Variants in OR52K1 observed in about 807,000 individuals in gnomAD.
OR52K1 encodes the protein olfactory receptor 52K1.
OR52K1 carries 10 observed loss-of-function variants against 8.7 expected under a neutral mutation model. The observed-to-expected ratio is 1.15, with a 90% CI of 0.71 to 1.95. OR52K1 has a LOEUF of 1.95. Ranked by LOEUF, OR52K1 falls within the 30% of genes most tolerant of loss-of-function variation. The pLI, the probability that OR52K1 is intolerant of heterozygous loss-of-function variation, is 0.00. For missense variants in OR52K1, 431 were observed against 397.2 expected (o/e 1.08, Z -0.72); for synonymous variants, 203 against 148.5 (o/e 1.37, Z -2.67).
chr11:4,488,768 C>T lies in OR52K1; in HGVS notation c.-133C>T, dbSNP rs1453863476. The T allele has an allele frequency of 1.5e-6, 1 of 667,410 alleles. No homozygotes were observed. Among genetic ancestry groups the T allele is most frequent in the East Asian group, 2.6e-5 (1 of 38,780 alleles). The allele number at this position is 667,410 out of a possible 1,614,324, so 41.3% of individuals were successfully genotyped here. The stretch of plus-strand genomic sequence containing the variant: ...GCTGCTAGGTTATTTTGTTTAAAGT[C>T]TAGCAATGGAAACAAGAGGTAATCT... On this transcript the variant is annotated 5_prime_UTR_variant, in exon 2 of 2. Coordinates refer to ENST00000641528, the MANE Select transcript of OR52K1 (RefSeq NM_001005171.3).
At chr11:4,487,202 A>T (rs1846327822) in intron 1 of OR52K1, among the ~76,000 whole-genome samples, 1 of 152,238 alleles carries the variant, frequency 6.6e-6, no homozygotes, top group African/African-American at 2.4e-5. Context: ...AGGTTTGAAT[A>T]AAGGGAGGAG....
In OR52K1 at chr11:4,492,153, C is replaced by T. The variant is rs1846380881; in HGVS notation, c.*2308C>T. On this transcript the variant is annotated 3_prime_UTR_variant, in exon 2 of 2. Transcript: ENST00000641528. Reference sequence around the variant, plus strand: ...GCAAATTAAAGTGTGCATTAACTTTCCTGCTTTCTTTCCCCTCTGCTGCAA... The same window carrying T: ...GCAAATTAAAGTGTGCATTAACTTTTCTGCTTTCTTTCCCCTCTGCTGCAA... 1 of 152,154 alleles carries T rather than the reference C, an allele frequency of 6.6e-6. No homozygotes were observed. The highest frequency in any genetic ancestry group is 2.4e-5 in the African/African-American group (1 of 41,416). 9.4% of individuals were successfully genotyped at this position (152,154 alleles called of 1,614,324 possible). A position where few individuals can be genotyped will look rare whatever the true frequency, so the allele number is the denominator to read the frequency against.
chr11:4,493,334 T>C lies in OR52K1; in HGVS notation c.*3489T>C, dbSNP rs1349945988. 6.6e-6 allele frequency: 1 copy of C among 152,156 alleles called. No homozygotes were observed. The highest frequency in any genetic ancestry group is 1.9e-4 in the East Asian group (1 of 5,152). 9.4% of individuals were successfully genotyped at this position (152,156 alleles called of 1,614,324 possible). ...GAGACTCCCTTTCTGGGTCTGTTAG[T>C]AACGGGTGTCTTCCCTAGGAACTGA... On this transcript the variant is annotated 3_prime_UTR_variant, in exon 2 of 2. Coordinates refer to ENST00000641528, the MANE Select transcript of OR52K1 (RefSeq NM_001005171.3).
intron 1 of OR52K1, among the ~76,000 whole-genome samples, chr11:4,486,523 T>G (rs2133105617): frequency 6.6e-6 from 1 of 152,318 alleles, no homozygotes; most frequent in Non-Finnish European, 1.5e-5. Context: ...CTCATTCAAT[T>G]TTTCTCAAAT....
At chr11:4,487,165 T>C (rs1326027180) in intron 1 of OR52K1, among the ~76,000 whole-genome samples, 1 of 152,220 alleles carries the variant, frequency 6.6e-6, no homozygotes, top group Non-Finnish European at 1.5e-5. Flanking sequence ...TAGACCTTTC[T>C]ACATGTTTCA....
At chr11:4,483,309 T>A (rs1846295426) in intron 1 of OR52K1, 133 bp downstream of exon 1, 1 of 396,676 alleles carries the variant, frequency 2.5e-6, no homozygotes, top group African/African-American at 2.1e-5. Flanking sequence ...AAGATAAAGG[T>A]ATAGGCAACC....
chr11:4,483,028 AGTT>A lies in OR52K1; in HGVS notation c.-475_-473del. 2.5e-6 allele frequency: 1 copy of A among 397,318 alleles called. No individual in the cohort carries two copies. The highest frequency in any genetic ancestry group is 4.4e-6 in the Non-Finnish European group (1 of 225,274). The allele number at this position is 397,318 out of a possible 1,614,324, so 24.6% of individuals were successfully genotyped here. ...CTGTGGGCCATCTCCAAGAAGTCTT[AGTT>A]GATTATTCCAGTTTGGATCTGTCAC... On this transcript the variant is annotated 5_prime_UTR_variant, in exon 1 of 2. Transcript: ENST00000641528.
intron 1 of OR52K1, among the ~76,000 whole-genome samples, chr11:4,484,869 C>A (rs7102478): frequency 6.6e-6 from 1 of 151,230 alleles, no homozygotes; most frequent in African/African-American, 2.4e-5. Flanking sequence ...CACACACACA[C>A]AGTTGACTTC....
Position 4,489,184 on chromosome 11 carries a change from A to G in OR52K1, c.284A>G (p.Asn95Ser). ...TTCTGGTTCAGGGATCAGGAGATCAACTTCTTTGCCTGTCTGGTCCAGATG... is the reference window on the plus strand; with the variant it reads ...TTCTGGTTCAGGGATCAGGAGATCAGCTTCTTTGCCTGTCTGGTCCAGATG... ...AIFWFRDQEI[N>S]FFACLVQMFF... The change falls in exon 2 of 2, where the codon AAC becomes AGC. Residue 95 changes from asparagine to serine, a missense_variant. By Grantham distance (46) the Asn-to-Ser change is conservative. Coordinates refer to ENST00000641528, the MANE Select transcript of OR52K1 (RefSeq NM_001005171.3). 6.2e-7 allele frequency: 1 copy of G among 1,614,186 alleles called. No homozygotes were observed. The highest frequency in any genetic ancestry group is 8.5e-7 in the Non-Finnish European group (1 of 1,180,034).
Position 4,492,858 on chromosome 11 carries a change from G to T in OR52K1, c.*3013G>T. 1 of 193,004 alleles carries T rather than the reference G, an allele frequency of 5.2e-6. No individual in the cohort carries two copies. The allele number at this position is 193,004 out of a possible 1,614,324, so 12.0% of individuals were successfully genotyped here. A position where few individuals can be genotyped will look rare whatever the true frequency, so the allele number is the denominator to read the frequency against. On this transcript the variant is annotated 3_prime_UTR_variant, in exon 2 of 2. Transcript: ENST00000641528. ...AAAGACAGCTGGGCCTGGGGGACCA[G>T]TACCACCAAGATGCAGAGACCGGTA...
chr11:4,485,478 C>T (rs377004330), intron 1 of OR52K1, among the ~76,000 whole-genome samples: 2 of 152,316 alleles, frequency 1.3e-5, no homozygotes, highest in Middle Eastern at 3.4e-3. Flanking sequence ...CAGTTGGGAG[C>T]AGCTCCTATC....
chr11:4,489,163 G>T lies in OR52K1; in HGVS notation c.263G>T (p.Trp88Leu). 1 of 1,614,192 alleles carries T rather than the reference G, an allele frequency of 6.2e-7. No individual in the cohort carries two copies. The highest frequency in any genetic ancestry group is 8.5e-7 in the Non-Finnish European group (1 of 1,180,034). ...TTLPKMLAIF[W>L]FRDQEINFFA... Reference sequence around the variant, plus strand: ...CTGCCCAAAATGCTTGCCATATTCTGGTTCAGGGATCAGGAGATCAACTTC... The same window carrying T: ...CTGCCCAAAATGCTTGCCATATTCTTGTTCAGGGATCAGGAGATCAACTTC... The change falls in exon 2 of 2, where the codon TGG (tryptophan) becomes TTG (leucine). Residue 88 changes from tryptophan to leucine, a missense_variant. Trp to Leu is a moderately conservative substitution (Grantham distance 61, BLOSUM62 -2). Transcript: ENST00000641528.
At chr11:4,486,722 A>AC (rs896232661) in intron 1 of OR52K1, among the ~76,000 whole-genome samples, 2 of 152,186 alleles carry the variant, frequency 1.3e-5, no homozygotes, top group Admixed American at 1.3e-4. Context: ...AACTTATTCT[A>AC]CTAAGGGATC....
rs779109252 is a variant in OR52K1 at position 4,489,023 on chromosome 11, G to A, written c.123G>A (p.Leu41=). 3 of 1,614,124 alleles carry A rather than the reference G, an allele frequency of 1.9e-6. No individual in the cohort carries two copies. Among genetic ancestry groups the A allele is most frequent in the Non-Finnish European group, 2.5e-6 (3 of 1,179,990 alleles). Residue 41 remains leucine, a synonymous_variant, in exon 2 of 2, where the codon CTG becomes CTA. Transcript: ENST00000641528. ...IPFCFAYTLA[L]LGNCTLLFII... The stretch of plus-strand genomic sequence containing the variant: ...TCTGCTTTGCTTATACTCTGGCCCT[G>A]CTAGGCAACTGTACCCTTCTCTTCA...
chr11:4,483,150 C>T lies in OR52K1; in HGVS notation c.-355C>T, dbSNP rs1446299567. Reference sequence around the variant, plus strand: ...ATTAGTCAAGAGGAAGAAAACGAGGCCTGAACTAGAAAGATGGCAGGGAAA... The same window carrying T: ...ATTAGTCAAGAGGAAGAAAACGAGGTCTGAACTAGAAAGATGGCAGGGAAA... On this transcript the variant is annotated 5_prime_UTR_variant, in exon 1 of 2. Coordinates refer to ENST00000641528, the MANE Select transcript of OR52K1 (RefSeq NM_001005171.3). 2 of 398,418 alleles carry T rather than the reference C, an allele frequency of 5.0e-6. No homozygotes were observed. The highest frequency in any genetic ancestry group is 2.1e-5 in the African/African-American group (1 of 48,606). The allele number at this position is 398,418 out of a possible 1,614,324, so 24.7% of individuals were successfully genotyped here.
Position 4,489,353 on chromosome 11 carries a change from G to A in OR52K1, c.453G>A (p.Val151=). ...SLITKIGMAA[V]ARAVTLMTPL... is the part of the protein sequence containing the mutation. ...TCACCAAGATTGGCATGGCTGCTGT[G>A]GCCCGGGCTGTGACACTAATGACTC... Residue 151 remains valine, a synonymous_variant, in exon 2 of 2, where the codon GTG becomes GTA. Coordinates refer to ENST00000641528, the MANE Select transcript of OR52K1 (RefSeq NM_001005171.3). The A allele has an allele frequency of 1.5e-5, 24 of 1,614,156 alleles. No individual in the cohort carries two copies. Among genetic ancestry groups the A allele is most frequent in the Non-Finnish European group, 1.9e-5 (23 of 1,180,034 alleles).
rs1449100095 is a variant in OR52K1 at position 4,492,554 on chromosome 11, A to G, written c.*2709A>G. On this transcript the variant is annotated 3_prime_UTR_variant, in exon 2 of 2. Transcript: ENST00000641528. ...ACCAATTGCTGGAGTTGTGAGTTCT[A>G]TCTTGCATTTCAACTCATGACAGCT... 6.6e-6 allele frequency: 1 copy of G among 152,208 alleles called. No individual in the cohort carries two copies. The highest frequency in any genetic ancestry group is 1.5e-5 in the Non-Finnish European group (1 of 68,032). 9.4% of individuals were successfully genotyped at this position (152,208 alleles called of 1,614,324 possible). A position where few individuals can be genotyped will look rare whatever the true frequency, so the allele number is the denominator to read the frequency against.
chr11:4,484,179 TTTC>T (rs1261999726), intron 1 of OR52K1, among the ~76,000 whole-genome samples: 1 of 152,050 alleles, frequency 6.6e-6, no homozygotes, highest in Non-Finnish European at 1.5e-5. Flanking sequence ...ATAGGTAGAG[TTTC>T]TTAACTCCAG....
In OR52K1 at chr11:4,491,946, T is replaced by A. The variant is rs141080309; in HGVS notation, c.*2101T>A. The A allele has an allele frequency of 6.6e-6, 1 of 152,256 alleles. No homozygotes were observed. The highest frequency in any genetic ancestry group is 2.4e-5 in the African/African-American group (1 of 41,550). 9.4% of individuals were successfully genotyped at this position (152,256 alleles called of 1,614,324 possible). A position where few individuals can be genotyped will look rare whatever the true frequency, so the allele number is the denominator to read the frequency against. On this transcript the variant is annotated 3_prime_UTR_variant, in exon 2 of 2. Coordinates refer to ENST00000641528, the MANE Select transcript of OR52K1 (RefSeq NM_001005171.3). ...ATAAAAGTTAAAAAGGACACTATGA[T>A]ATTGGTGCAAAGATCGAATGGAAAG...
Sources: allele counts gnomAD v4.1 joint callset (sites outside exome capture counted in the v4.1 genomes callset), GRCh38; gene constraint gnomAD v4.1.1; transcripts MANE v1.5; gene names NCBI Gene and HGNC (gene_info 2026-07-23, HGNC 2026-07-21).